TRIM5: variants seen among roughly 807,000 people sequenced by gnomAD.
The protein encoded by TRIM5 is tripartite motif-containing protein 5.
In TRIM5, 31 loss-of-function variants were observed where a neutral mutation model predicts 35.6. The observed-to-expected ratio is 0.87, with a 90% CI of 0.65 to 1.18. The LOEUF is 1.18. TRIM5 is among the 50% of genes most tolerant of loss of function. The pLI, the probability that TRIM5 is intolerant of heterozygous loss-of-function variation, is 0.00. For missense variants in TRIM5, 609 were observed against 591.6 expected, an observed-to-expected ratio of 1.03 and a Z score of -0.31; for synonymous variants, 243 against 215.6, an observed-to-expected ratio of 1.13 and a Z score of -1.11.
chr11:5,638,216 T>A, the TRIM5 span, among the ~76,000 whole-genome samples: 1 of 152,124 alleles, frequency 6.6e-6, no homozygotes, highest in Non-Finnish European at 1.5e-5. Flanking sequence ...GAAAATAATA[T>A]CAGTGAAGAT....
chr11:5,633,661 C>T, the TRIM5 span: 1 of 720,972 alleles, frequency 1.4e-6, no homozygotes, highest in Non-Finnish European at 2.2e-6. Flanking sequence ...AAATTTTCCC[C>T]ATGTCATAGA....
chr11:5,603,614 G>A, the TRIM5 span: 1 of 1,613,768 alleles, frequency 6.2e-7, no homozygotes, highest in Non-Finnish European at 8.5e-7. Flanking sequence ...GCAGACCATG[G>A]AGAAAAACTG....
chr11:5,625,519 C>T, the TRIM5 span, among the ~76,000 whole-genome samples: 2 of 152,112 alleles, frequency 1.3e-5, no homozygotes, highest in Admixed American at 6.6e-5. Context: ...TAGTATGTGG[C>T]GTCAGATAGA....
chr11:5,629,865 C>G, the TRIM5 span, among the ~76,000 whole-genome samples: 4 of 152,074 alleles, frequency 2.6e-5, no homozygotes, highest in Non-Finnish European at 5.9e-5. Flanking sequence ...CCGCCGCCAC[C>G]CCTGGCTAAT....
At chr11:5,605,941 C>T in the TRIM5 span, among the ~76,000 whole-genome samples, 1 of 152,166 alleles carries the variant, frequency 6.6e-6, no homozygotes, top group Non-Finnish European at 1.5e-5. Context: ...TGCTTAGCAG[C>T]GTCTCTGGCC....
chr11:5,591,836 C>T, the TRIM5 span, among the ~76,000 whole-genome samples: 1 of 152,186 alleles, frequency 6.6e-6, no homozygotes, highest in Non-Finnish European at 1.5e-5. Flanking sequence ...ATTTGGGTTC[C>T]ACCTGTGGTT....
the TRIM5 span, among the ~76,000 whole-genome samples, chr11:5,652,589 C>A: frequency 6.6e-6 from 1 of 152,140 alleles, no homozygotes; most frequent in Non-Finnish European, 1.5e-5. Flanking sequence ...GGTTTGAAGT[C>A]AGGTAATTGA....
chr11:5,672,812 G>C (rs1214553311), intron 4 of TRIM5, among the ~76,000 whole-genome samples: 1 of 152,124 alleles, frequency 6.6e-6, no homozygotes, highest in Non-Finnish European at 1.5e-5. Context: ...ATATTGAAGG[G>C]AAGTTTCTGT....
At chr11:5,666,707 C>T (rs1309974888) in intron 5 of TRIM5, among the ~76,000 whole-genome samples, 1 of 152,192 alleles carries the variant, frequency 6.6e-6, no homozygotes, top group African/African-American at 2.4e-5. Context: ...GCCTGAATAT[C>T]GTGTGGTTAG....
In TRIM5 at chr11:5,665,198, C is replaced by T. The variant is rs971037423; in HGVS notation, c.1093G>A (p.Val365Met). The change falls in exon 8 of 8, where the codon GTG (valine) becomes ATG (methionine). Residue 365 changes from valine (V) to methionine (M), a missense_variant. By Grantham distance (21) the Val-to-Met change is conservative. Transcript: ENST00000380034. The part of the protein sequence containing the change: ...TSGKHYWEVD[V>M]SKKTAWILGV... ...AGGATCCAAGCAGTTTTCTTGGACACGTCTACCTCCCAGTAATGTTTCCCT... is the reference window on the plus strand; with the variant it reads ...AGGATCCAAGCAGTTTTCTTGGACATGTCTACCTCCCAGTAATGTTTCCCT... 56 of 1,613,992 alleles carry T rather than the reference C, an allele frequency of 3.5e-5. No individual in the cohort carries two copies. Among genetic ancestry groups the T allele is most frequent in the Middle Eastern group, 3.3e-4 (2 of 6,084 alleles).
the TRIM5 span, among the ~76,000 whole-genome samples, chr11:5,652,953 T>C: frequency 1.1e-4 from 16 of 151,860 alleles, no homozygotes; most frequent in South Asian, 3.3e-3. Flanking sequence ...CCTGGGTTCA[T>C]GCCATTCTCC....
At chr11:5,597,155 C>T in the TRIM5 span, among the ~76,000 whole-genome samples, 252 of 152,328 alleles carry the variant, frequency 1.7e-3, 1 homozygote, top group African/African-American at 5.6e-3. Context: ...AATCCTGACT[C>T]TGACAGACAC....
At chr11:5,634,162 C>T in the TRIM5 span, among the ~76,000 whole-genome samples, 10 of 152,100 alleles carry the variant, frequency 6.6e-5, no homozygotes, top group Admixed American at 4.6e-4. Context: ...TCTTTTCCAA[C>T]GGGGCTCTAC....
At chr11:5,642,372 G>C in the TRIM5 span, 5 of 1,587,570 alleles carry the variant, frequency 3.1e-6, no homozygotes, top group African/African-American at 1.3e-5. Context: ...CAGGATGAGA[G>C]ATGTGGGGGT....
At chr11:5,683,064 C>T (rs1210010313) in intron 1 of TRIM5, among the ~76,000 whole-genome samples, 1 of 152,338 alleles carries the variant, frequency 6.6e-6, no homozygotes, top group Non-Finnish European at 1.5e-5. Context: ...CCCGCTGCCC[C>T]GGGCAGTGAG....
the TRIM5 span, chr11:5,641,159 CT>C: frequency 1.4e-4 from 222 of 1,609,966 alleles, no homozygotes; most frequent in Non-Finnish European, 1.9e-4. Flanking sequence ...TTTCTCTTTT[CT>C]TTCTAGGACA....
At chr11:5,682,467 A>T (rs1564929134) in intron 1 of TRIM5, among the ~76,000 whole-genome samples, 1 of 152,132 alleles carries the variant, frequency 6.6e-6, no homozygotes, top group Non-Finnish European at 1.5e-5. Context: ...AGATGCTGTC[A>T]CCAGGGAAGC....
chr11:5,678,144 G>C, intron 4 of TRIM5, 60 bp downstream of exon 4: 1 of 1,437,964 alleles, frequency 7.0e-7, no homozygotes, highest in Non-Finnish European at 9.4e-7. Context: ...GCAACGCAGA[G>C]AAGGAAATAG....
the TRIM5 span, among the ~76,000 whole-genome samples, chr11:5,607,215 ATATTT>A: frequency 6.6e-6 from 1 of 152,156 alleles, no homozygotes; most frequent in African/African-American, 2.4e-5. Context: ...AAAAAAAAAA[ATATTT>A]TATAGCCAAG....
Sources: gnomAD v4.1 joint callset for allele counts (sites outside exome capture counted in the v4.1 genomes callset) on GRCh38, gnomAD v4.1.1 for gene constraint, MANE v1.5 for transcripts, NCBI Gene and HGNC (gene_info 2026-07-23, HGNC 2026-07-21) for gene names.